Variants in APOL3 observed in about 807,000 individuals in gnomAD.
APOL3 encodes apolipoprotein L3, also known as TNF-inducible protein CG12-1.
A neutral mutation model predicts 11.6 loss-of-function variants in APOL3; 14 were observed. The observed-to-expected ratio is 1.21, with a 90% CI of 0.80 to 1.89. The LOEUF (loss-of-function observed/expected upper bound fraction) is 1.89. Ranked by LOEUF, APOL3 falls within the 40% of genes most tolerant of loss-of-function variation. APOL3 has a pLI of 0.00. For synonymous variants in APOL3, 192 were observed against 190.6 expected (o/e 1.01, Z -0.06); for missense variants, 483 against 492.1 (o/e 0.98, Z 0.17).
At chr22:36,163,961 G>T (rs755331554), upstream of APOL3, among the ~76,000 whole-genome samples, 1 of 152,180 alleles carries the variant, frequency 6.6e-6, no homozygotes, top group Admixed American at 6.5e-5. Context: ...CTTTAAGTTG[G>T]ATTGTTATAG....
At chr22:36,153,401 C>T (rs1393375852) in intron 1 of APOL3, 2 of 456,022 alleles carry the variant, frequency 4.4e-6, no homozygotes, top group Non-Finnish European at 4.4e-6. Flanking sequence ...TTCAGAGAAA[C>T]CTCGGTGGCT....
intron 2 of APOL3, 146 bp downstream of exon 3, chr22:36,145,327 T>C: frequency 9.5e-7 from 1 of 1,055,606 alleles, no homozygotes. Flanking sequence ...GGAGGAAATA[T>C]TCCTCCTGGA....
upstream of APOL3, chr22:36,161,399 G>A (rs2013686754): frequency 3.4e-5 from 6 of 177,632 alleles, no homozygotes; most frequent in South Asian, 7.3e-4. Flanking sequence ...ATTTTTACCA[G>A]GTTGGTTTCA....
chr22:36,157,093 T>A, intron 1 of APOL3: 1 of 452,720 alleles, frequency 2.2e-6, no homozygotes, highest in Non-Finnish European at 4.5e-6. Context: ...CCATTTATTT[T>A]CTCCCGTGTC....
intron 1 of APOL3, chr22:36,156,725 T>C (rs1439824319): frequency 6.6e-6 from 2 of 301,390 alleles, no homozygotes; most frequent in Non-Finnish European, 1.4e-5. Context: ...CCCTGAGCAC[T>C]CTGCTTTCCG....
intron 1 of APOL3, 121 bp downstream of exon 1, chr22:36,160,548 A>T: frequency 4.9e-6 from 5 of 1,025,102 alleles, no homozygotes; most frequent in Non-Finnish European, 5.9e-6. Flanking sequence ...ATGGACCGAG[A>T]TGTGACCTCA....
upstream of APOL3, among the ~76,000 whole-genome samples, chr22:36,163,941 T>A (rs1022524269): frequency 2.5e-4 from 38 of 152,254 alleles, no homozygotes; most frequent in Admixed American, 2.1e-3. Context: ...TGCCTTTTTT[T>A]AAATATTAGC....
chr22:36,142,840 C>A (rs2060049887), intron 2 of APOL3, among the ~76,000 whole-genome samples: 1 of 152,152 alleles, frequency 6.6e-6, no homozygotes, highest in Admixed American at 6.5e-5. Flanking sequence ...ACCTTCCATG[C>A]CCATCCCGTG....
At chr22:36,161,848 G>A (rs572851661), upstream of APOL3, among the ~76,000 whole-genome samples, 4 of 108,366 alleles carry the variant, frequency 3.7e-5, no homozygotes, top group Middle Eastern at 4.8e-3. Context: ...AAGAGATGAC[G>A]AGAAAAAGGT....
In APOL3 at chr22:36,145,604, T is replaced by G. The variant is rs754574066; in HGVS notation, c.224-5A>C. 8.7e-6 allele frequency: 14 copies of G among 1,612,634 alleles called. No individual in the cohort carries two copies. The highest frequency in any genetic ancestry group is 9.3e-6 in the Non-Finnish European group (11 of 1,179,618). On this transcript the variant is annotated splice_polypyrimidine_tract_variant and splice_region_variant and intron_variant, in intron 1 of 2. Coordinates refer to ENST00000349314, the Ensembl canonical transcript of APOL3. Reference sequence around the variant, plus strand: ...CTTCAGTAAAGCGTTTCTTTTCTACTTGGAAACAAAAAGCATAAGATTGGA... The same window carrying G: ...CTTCAGTAAAGCGTTTCTTTTCTACGTGGAAACAAAAAGCATAAGATTGGA...
intron 1 of APOL3, among the ~76,000 whole-genome samples, chr22:36,160,084 T>C (rs957621025): frequency 2.6e-5 from 4 of 152,158 alleles, no homozygotes; most frequent in Non-Finnish European, 2.9e-5. Context: ...GGTTTCTCCA[T>C]ATTGGCCAGG....
upstream of APOL3, chr22:36,165,412 A>T (rs769720298): frequency 3.3e-5 from 5 of 152,154 alleles, no homozygotes; most frequent in Non-Finnish European, 7.3e-5. Context: ...TTCATCAACC[A>T]ATCAGGTAAA....
At chr22:36,140,837 G>T in exon 3 of APOL3, 1 of 211,140 alleles carries the variant, frequency 4.7e-6, no homozygotes, top group Non-Finnish European at 9.4e-6. Flanking sequence ...TAACTCTTCG[G>T]CTTTCTGCAT....
chr22:36,155,157 A>T (rs1032089107), intron 1 of APOL3, among the ~76,000 whole-genome samples: 3 of 152,172 alleles, frequency 2.0e-5, no homozygotes, highest in African/African-American at 7.2e-5. Context: ...GGCAACAACA[A>T]GCCCAGGCAG....
intron 1 of APOL3, chr22:36,149,364 C>A: frequency 7.7e-7 from 1 of 1,306,352 alleles, no homozygotes. Flanking sequence ...AGGCAGGGTC[C>A]TTTTGTCCTG....
chr22:36,141,122 A>G, exon 3 of APOL3: 2 of 1,539,836 alleles, frequency 1.3e-6, no homozygotes, highest in South Asian at 2.6e-5. Flanking sequence ...TGCCCTCTTT[A>G]TCCCCCTAAT....
At chr22:36,142,355 C>T (rs1380439142) in intron 2 of APOL3, among the ~76,000 whole-genome samples, 1 of 152,180 alleles carries the variant, frequency 6.6e-6, no homozygotes, top group Non-Finnish European at 1.5e-5. Context: ...GAGAGGTCAA[C>T]ATCATCCCTC....
chr22:36,158,548 G>A (rs1305104527), intron 1 of APOL3, among the ~76,000 whole-genome samples: 1 of 152,148 alleles, frequency 6.6e-6, no homozygotes, highest in Non-Finnish European at 1.5e-5. Flanking sequence ...CGCCTGGCAC[G>A]GTGGCTCATG....
intron 1 of APOL3, among the ~76,000 whole-genome samples, chr22:36,154,939 A>T (rs2012500439): frequency 6.6e-6 from 1 of 152,160 alleles, no homozygotes; most frequent in African/African-American, 2.4e-5. Flanking sequence ...TCCATTTCAT[A>T]GGCCCTCCTG....
Sources: gnomAD v4.1 joint callset for allele counts (sites outside exome capture counted in the v4.1 genomes callset) on GRCh38, gnomAD v4.1.1 for gene constraint, MANE v1.5 for transcripts, NCBI Gene and HGNC (gene_info 2026-07-23, HGNC 2026-07-21) for gene names.